The following FABP9 variants were observed in gnomAD, a reference collection of about 807,000 sequenced individuals.
FABP9 encodes fatty acid-binding protein 9.
Under a neutral mutation model 14.7 loss-of-function variants are expected in FABP9, and 11 were observed. The ratio of observed to expected loss-of-function variants is 0.75; its 90% confidence interval spans 0.47 to 1.24. The LOEUF is 1.24. FABP9 is among the 50% of genes most tolerant of loss of function. FABP9 has a pLI of 0.00. For missense variants in FABP9, 171 were observed against 158.2 expected (o/e 1.08, Z -0.44); for synonymous variants, 54 against 50.6 (o/e 1.07, Z -0.29).
chr8:81,458,554 A>G (rs1807630031), intron 3 of FABP9, 48 bp downstream of exon 3: 1 of 1,494,350 alleles, frequency 6.7e-7, no homozygotes, highest in African/African-American at 1.4e-5. Flanking sequence ...CTTGAAAGGC[A>G]TGTATCAAAT....
At position 81,458,643 on chromosome 8, in the gene FABP9, T is replaced by C. The variant is rs755178921; in HGVS notation, c.307A>G (p.Thr103Ala). The change falls in exon 3 of 4, where the codon ACA becomes GCA. Residue 103 changes from threonine to alanine, a missense_variant. Coordinates refer to ENST00000379071, the MANE Select transcript of FABP9 (RefSeq NM_001080526.2). ...TCCACAATTTTTCTTTTGATTGTTG[T>C]CTCTTTGCCAAGCCATTTTTGGACG... ...IHVQKWLGKE[T>A]TIKRKIVDEK... 5 of 1,613,790 alleles carry C rather than the reference T, an allele frequency of 3.1e-6. 1 individual carries two copies. In the South Asian group the frequency reaches 4.4e-5, roughly 14 times the overall value.
chr8:81,458,910 T>A (rs187885314), intron 2 of FABP9, among the ~76,000 whole-genome samples: 3 of 152,354 alleles, frequency 2.0e-5, no homozygotes, highest in African/African-American at 7.2e-5. Flanking sequence ...AAGCTATTTG[T>A]GTTTAGTTGT....
intron 1 of FABP9, among the ~76,000 whole-genome samples, chr8:81,459,652 C>T (rs1026442982): frequency 2.4e-4 from 36 of 152,104 alleles, no homozygotes; most frequent in African/African-American, 8.5e-4. Context: ...CTTGTGGGTG[C>T]GGGAGGAGTT....
rs1807625856 is a variant in FABP9 at position 81,458,308 on chromosome 8, C to A, written c.*75G>T. ...ATATTGAGACATTTTTTAAAAATCA[C>A]CAGCCCTGAGGCATATCTTCTTCAG... On this transcript the variant is annotated 3_prime_UTR_variant, in exon 4 of 4. Coordinates refer to ENST00000379071, the MANE Select transcript of FABP9 (RefSeq NM_001080526.2). The A allele has an allele frequency of 9.0e-7, 1 of 1,116,656 alleles. No homozygotes were observed. Among genetic ancestry groups the A allele is most frequent in the African/African-American group, 1.6e-5 (1 of 63,508 alleles). The allele number at this position is 1,116,656 out of a possible 1,614,324, so 69.2% of individuals were successfully genotyped here. A position where few individuals can be genotyped will look rare whatever the true frequency, so the allele number is the denominator to read the frequency against.
Position 81,459,296 on chromosome 8 carries a change from G to T in FABP9, c.115C>A (p.Pro39Thr). The change falls in exon 2 of 4, where the codon CCG becomes ACG. Residue 39 changes from proline (P) to threonine (T), a missense_variant. Coordinates refer to ENST00000379071, the MANE Select transcript of FABP9 (RefSeq NM_001080526.2). Reference sequence around the variant, plus strand: ...CCATCAACACTAATAGTTACTGTCGGTTTCACTAACCCTGCCATGTTCCGG... The same window carrying T: ...CCATCAACACTAATAGTTACTGTCGTTTTCACTAACCCTGCCATGTTCCGG... ...AARNMAGLVK[P>T]TVTISVDGKM... The T allele has an allele frequency of 6.4e-7, 1 of 1,561,446 alleles. No homozygotes were observed. Among genetic ancestry groups the T allele is most frequent in the Non-Finnish European group, 8.6e-7 (1 of 1,161,370 alleles).
At chr8:81,460,175 T>G (rs1297128973) in intron 1 of FABP9, among the ~76,000 whole-genome samples, 1 of 152,158 alleles carries the variant, frequency 6.6e-6, no homozygotes, top group Non-Finnish European at 1.5e-5. Flanking sequence ...AATTTTTGTA[T>G]TTTTAGTAGA....
Position 81,461,469 on chromosome 8 carries a change from C to T in FABP9, c.55G>A (p.Asp19Asn). ...TTCTCACCCAGTTCTTTCATGTAATCCTCAAAGTTTTCACTGGAGACCAGC... is the reference window on the plus strand; with the variant it reads ...TTCTCACCCAGTTCTTTCATGTAATTCTCAAAGTTTTCACTGGAGACCAGC... ...WKLVSSENFEDYMKELGVNFA... is the reference protein window; with the variant it reads ...WKLVSSENFENYMKELGVNFA... The change falls in exon 1 of 4, where the codon GAT becomes AAT. Residue 19 changes from aspartate (D) to asparagine (N), a missense_variant. Transcript: ENST00000379071. 2 of 1,613,250 alleles carry T rather than the reference C, an allele frequency of 1.2e-6. No individual in the cohort carries two copies. Among genetic ancestry groups the T allele is most frequent in the South Asian group, 1.1e-5 (1 of 91,058 alleles).
chr8:81,459,113 C>T, intron 2 of FABP9, 52 bp downstream of exon 2: 1 of 1,503,384 alleles, frequency 6.7e-7, no homozygotes, highest in Non-Finnish European at 8.9e-7. Context: ...CATGCCTAAC[C>T]ACCTTCTAAC....
chr8:81,459,475 A>T (rs1422785919), intron 1 of FABP9, 138 bp from the exon 2 acceptor site: 1 of 732,318 alleles, frequency 1.4e-6, no homozygotes, highest in Non-Finnish European at 2.1e-6. Context: ...GTTTTCTGTG[A>T]TATCAGGGCT....
Position 81,461,335 on chromosome 8 carries a change from A to G in FABP9, c.73+116T>C, listed in dbSNP as rs145964944. On this transcript the variant is annotated intron_variant, in intron 1 of 3. Coordinates refer to ENST00000379071, the MANE Select transcript of FABP9 (RefSeq NM_001080526.2). The stretch of plus-strand genomic sequence containing the variant: ...GTAGAAGCATACATTGTGTTAGTCT[A>G]TATACCCTAGGATCACAAAAGGAAG... 2.9e-3 allele frequency: 2,278 copies of G among 780,960 alleles called. 7 individuals are homozygous for G. Among genetic ancestry groups the G allele is most frequent in the Non-Finnish European group, 4.3e-3 (1,916 of 440,800 alleles). The allele number at this position is 780,960 out of a possible 1,614,324, so 48.4% of individuals were successfully genotyped here.
Position 81,458,704 on chromosome 8 carries a change from C to G in FABP9, c.247-1G>C. On this transcript the variant is annotated splice_acceptor_variant, in intron 2 of 3. Transcript: ENST00000379071. LOFTEE classifies it high-confidence loss of function. ...AGCCATTCTCTAATGTTATGGTGCT[C>G]TATAAATGCATAAAGAAATCAGAAG... is the stretch of plus-strand genomic sequence containing the variant. The G allele has an allele frequency of 6.2e-7, 1 of 1,607,456 alleles. No homozygotes were observed. Among genetic ancestry groups the G allele is most frequent in the Non-Finnish European group, 8.5e-7 (1 of 1,174,684 alleles).
At position 81,458,644 on chromosome 8, in the gene FABP9, C is replaced by T. The variant is rs781406298; in HGVS notation, c.306G>A (p.Glu102=). The T allele has an allele frequency of 1.9e-6, 3 of 1,613,836 alleles. No homozygotes were observed. Among genetic ancestry groups the T allele is most frequent in the Non-Finnish European group, 2.5e-6 (3 of 1,179,880 alleles). Residue 102 remains glutamate (E), a synonymous_variant, in exon 3 of 4, where the codon GAG becomes GAA. Coordinates refer to ENST00000379071, the MANE Select transcript of FABP9 (RefSeq NM_001080526.2). ...MIHVQKWLGK[E]TTIKRKIVDE... ...CCACAATTTTTCTTTTGATTGTTGT[C>T]TCTTTGCCAAGCCATTTTTGGACGT...
intron 1 of FABP9, among the ~76,000 whole-genome samples, 186 bp from the exon 2 acceptor site, chr8:81,459,523 AT>A (rs1040926639): frequency 1.2e-4 from 18 of 152,352 alleles, no homozygotes; most frequent in Middle Eastern, 3.4e-3. Context: ...TATATGTGAC[AT>A]TTTGAAAAGC....
intron 1 of FABP9, among the ~76,000 whole-genome samples, chr8:81,460,619 T>C (rs879765418): frequency 6.6e-6 from 1 of 152,174 alleles, no homozygotes; most frequent in African/African-American, 2.4e-5. Context: ...TGTTATTTCA[T>C]TGTCTAGAAT....
chr8:81,459,091 A>T lies in FABP9; in HGVS notation c.246+74T>A, dbSNP rs865859813. 4.5e-6 allele frequency: 6 copies of T among 1,325,854 alleles called. No homozygotes were observed. In the Middle Eastern group the frequency reaches 1.2e-3, roughly 275 times the overall value. The allele number at this position is 1,325,854 out of a possible 1,614,324, so 82.1% of individuals were successfully genotyped here. On this transcript the variant is annotated intron_variant, in intron 2 of 3. Coordinates refer to ENST00000379071, the MANE Select transcript of FABP9 (RefSeq NM_001080526.2). ...CCAGACAGACTTGGTGATAAATCAA[A>T]TTACAGTAAACCATGCCTAACCACC...
At chr8:81,458,755 C>T (rs1366728336) in intron 2 of FABP9, 52 bp from the exon 3 acceptor site, 6 of 1,122,906 alleles carry the variant, frequency 5.3e-6, no homozygotes, top group Non-Finnish European at 7.9e-6. Context: ...TTCTAACCTA[C>T]ATGAGACCAC....
Position 81,459,253 on chromosome 8 carries a change from C to A in FABP9, c.158G>T (p.Arg53Ile), listed in dbSNP as rs1204688625. The A allele has an allele frequency of 6.3e-7, 1 of 1,584,370 alleles. No individual in the cohort carries two copies. The highest frequency in any genetic ancestry group is 1.4e-5 in the African/African-American group (1 of 72,156). ...ISVDGKMMTI[R>I]TESSFQDTKI... ...AGTGTCCTGGAAAGAACTTTCTGTT[C>A]TTATGGTCATCATTTTCCCATCAAC... The change falls in exon 2 of 4, where the codon AGA (arginine) becomes ATA (isoleucine). Residue 53 changes from arginine (R) to isoleucine (I), a missense_variant. Coordinates refer to ENST00000379071, the MANE Select transcript of FABP9 (RefSeq NM_001080526.2).
rs1251698001 is a variant in FABP9 at position 81,459,344 on chromosome 8, G to A, written c.74-7C>T. On this transcript the variant is annotated splice_region_variant and splice_polypyrimidine_tract_variant and intron_variant, in intron 1 of 3. Transcript: ENST00000379071. ...CGGGCTGCGAAATTCACTCCTACAA[G>A]ACAGAGATAGCCTTGGACCTTATTA... The A allele has an allele frequency of 4.6e-6, 7 of 1,515,882 alleles. No homozygotes were observed. In the East Asian group the frequency reaches 1.8e-4, roughly 39 times the overall value. 93.9% of individuals were successfully genotyped at this position (1,515,882 alleles called of 1,614,324 possible).
Position 81,459,236 on chromosome 8 carries a change from GGAAAGAAC to G in FABP9, c.167_174del (p.Ser56ThrfsTer4). On this transcript the variant is annotated frameshift_variant, in exon 2 of 4. Coordinates refer to ENST00000379071, the MANE Select transcript of FABP9 (RefSeq NM_001080526.2). LOFTEE classifies it high-confidence loss of function. The stretch of plus-strand genomic sequence containing the variant: ...AGCTTGAAGGAGATCTTAGTGTCCT[GGAAAGAAC>G]TTTCTGTTCTTATGGTCATCATTTT... 1 of 1,587,288 alleles carries G rather than the reference GGAAAGAAC, an allele frequency of 6.3e-7. No homozygotes were observed. The highest frequency in any genetic ancestry group is 8.5e-7 in the Non-Finnish European group (1 of 1,171,246).
Sources: gnomAD v4.1 joint callset for allele counts (sites outside exome capture counted in the v4.1 genomes callset) on GRCh38, gnomAD v4.1.1 for gene constraint, MANE v1.5 for transcripts, NCBI Gene and HGNC (gene_info 2026-07-23, HGNC 2026-07-21) for gene names.